Variants in TRIM65 observed in about 807,000 individuals in gnomAD.
TRIM65 encodes E3 ubiquitin-protein ligase TRIM65.
TRIM65 carries 46 observed loss-of-function variants against 36.1 expected under a neutral mutation model. That is an observed-to-expected ratio of 1.27 (90% confidence interval 1.01 to 1.63). The LOEUF (loss-of-function observed/expected upper bound fraction) is 1.63. Ranked by LOEUF, TRIM65 falls within the 40% of genes most tolerant of loss-of-function variation. The pLI is 0.00. For synonymous variants in TRIM65, 346 were observed against 313.6 expected (o/e 1.10, Z -1.09); for missense variants, 708 against 696.6 (o/e 1.02, Z -0.18).
At position 75,890,872 on chromosome 17, in the gene TRIM65, G is replaced by A. The variant is rs774169961; in HGVS notation, c.1461C>T (p.Pro487=). The change falls in exon 6 of 6, where the codon CCC becomes CCT. Residue 487 remains proline (P), a synonymous_variant. Transcript: ENST00000269383. The part of the protein sequence containing the change: ...FHALFNQPLT[P]VFWLLEGRTL... ...TCCTACCCTCGAGGAGCCAGAAGACGGGGGTGAGGGGCTGGTTGAAGAGGG... is the reference window on the plus strand; with the variant it reads ...TCCTACCCTCGAGGAGCCAGAAGACAGGGGTGAGGGGCTGGTTGAAGAGGG... 10 of 1,527,616 alleles carry A rather than the reference G, an allele frequency of 6.5e-6. No individual in the cohort carries two copies. The highest frequency in any genetic ancestry group is 4.8e-5 in the East Asian group (2 of 41,336). The allele number at this position is 1,527,616 out of a possible 1,614,324, so 94.6% of individuals were successfully genotyped here.
In TRIM65 at chr17:75,896,775, GA is replaced by G; in HGVS notation, c.162del (p.Asp56ThrfsTer86). On this transcript the variant is annotated frameshift_variant, in exon 1 of 6. Coordinates refer to ENST00000269383, the MANE Select transcript of TRIM65 (RefSeq NM_173547.4). LOFTEE classifies it high-confidence loss of function. Reference protein sequence around the residue: ...GKACPECREPFPDGAELRRNV... With the variant: ...GKACPECREPXPDGAELRRNV... ...TTGCGGCGCAGCTCGGCGCCGTCGG[GA>G]AAGGGCTCCCGGCACTCGGGGCACG... 6.7e-7 allele frequency: 1 copy of G among 1,497,512 alleles called. No homozygotes were observed. Among genetic ancestry groups the G allele is most frequent in the South Asian group, 1.2e-5 (1 of 80,140 alleles). The allele number at this position is 1,497,512 out of a possible 1,614,324, so 92.8% of individuals were successfully genotyped here. A position where few individuals can be genotyped will look rare whatever the true frequency, so the allele number is the denominator to read the frequency against.
chr17:75,892,318 G>A lies in TRIM65; in HGVS notation c.693C>T (p.Gly231=), dbSNP rs1599458983. ...GCTCCAGGAGCTCCCGGATCCTGCA[G>A]CCATGGCGAGCCACAGCCTCCAAAT... is the stretch of plus-strand genomic sequence containing the variant. ...RVHLEAVARH[G]CRIRELLEQV... The change falls in exon 3 of 6, where the codon GGC becomes GGT. Residue 231 remains glycine (G), a synonymous_variant. Coordinates refer to ENST00000269383, the MANE Select transcript of TRIM65 (RefSeq NM_173547.4). 1 of 1,612,506 alleles carries A rather than the reference G, an allele frequency of 6.2e-7. No homozygotes were observed. The highest frequency in any genetic ancestry group is 8.5e-7 in the Non-Finnish European group (1 of 1,179,892).
chr17:75,881,235 C>CAAAAAAAAAAAAAAAAAAAAAA (rs58718762), intron 4 of TRIM65, among the ~76,000 whole-genome samples: 1 of 110,264 alleles, frequency 9.1e-6, no homozygotes, highest in Admixed American at 1.1e-4. Context: ...GACTCCATCT[C>CAAAAAAAAAAAAAAAAAAAAAA]AAAAAAAAAA....
downstream of TRIM65, among the ~76,000 whole-genome samples, chr17:75,884,407 C>T (rs1173817383): frequency 2.0e-5 from 3 of 151,960 alleles, no homozygotes; most frequent in East Asian, 1.9e-4. Flanking sequence ...TGCAGTGAGC[C>T]GAGATCATGC....
intron 1 of TRIM65, among the ~76,000 whole-genome samples, chr17:75,894,207 C>T (rs1459288203): frequency 6.6e-6 from 1 of 152,172 alleles, no homozygotes; most frequent in East Asian, 1.9e-4. Context: ...TCCCATCCCT[C>T]CCTGCCCATC....
rs756690265 is a variant in TRIM65, at chr17:75,891,322, T to G, written c.1011A>C (p.Pro337=). The change falls in exon 6 of 6, where the codon CCA becomes CCC. Residue 337 remains proline, a synonymous_variant. Coordinates refer to ENST00000269383, the MANE Select transcript of TRIM65 (RefSeq NM_173547.4). Reference sequence around the variant, plus strand: ...GATAGAAGTGACGGTTGGCGCTGACTGGATCAAAGGTCAGATTGCGATAAT... The same window carrying G: ...GATAGAAGTGACGGTTGGCGCTGACGGGATCAAAGGTCAGATTGCGATAAT... ...WQNYRNLTFD[P]VSANRHFYLS... is the part of the protein sequence containing the mutation. 1 of 1,613,286 alleles carries G rather than the reference T, an allele frequency of 6.2e-7. No individual in the cohort carries two copies. Among genetic ancestry groups the G allele is most frequent in the Non-Finnish European group, 8.5e-7 (1 of 1,179,986 alleles).
intron 1 of TRIM65, among the ~76,000 whole-genome samples, chr17:75,895,778 G>C (rs1216107410): frequency 6.6e-6 from 1 of 152,190 alleles, no homozygotes; most frequent in East Asian, 1.9e-4. Context: ...GACTTCTTAA[G>C]TGGATTCTAA....
chr17:75,891,316 G>A lies in TRIM65; in HGVS notation c.1017C>T (p.Ser339=), dbSNP rs370375559. The A allele has an allele frequency of 8.1e-6, 13 of 1,613,176 alleles. No individual in the cohort carries two copies. The African/African-American group carries it at 1.2e-4, about 15-fold the overall frequency. The stretch of plus-strand genomic sequence containing the variant: ...GCGACAGATAGAAGTGACGGTTGGC[G>A]CTGACTGGATCAAAGGTCAGATTGC... ...NYRNLTFDPV[S]ANRHFYLSRQ... Residue 339 remains serine (S), a synonymous_variant, in exon 6 of 6, where the codon AGC becomes AGT. Transcript: ENST00000269383.
chr17:75,891,404 C>T (rs1469082662), intron 5 of TRIM65, 57 bp from the exon 6 acceptor site: 2 of 1,570,802 alleles, frequency 1.3e-6, no homozygotes, highest in African/African-American at 2.7e-5. Flanking sequence ...ACCAGATCTC[C>T]ATTTATCCGC....
chr17:75,890,554 T>C lies in TRIM65; in HGVS notation c.*225A>G, dbSNP rs369393103. On this transcript the variant is annotated 3_prime_UTR_variant, in exon 6 of 6. Coordinates refer to ENST00000269383, the MANE Select transcript of TRIM65 (RefSeq NM_173547.4). ...AGACAGTACCTAGAACTGGGTTCTC[T>C]CTGGGGCAAGGGCATCCCATTTATC... is the stretch of plus-strand genomic sequence containing the variant. The C allele has an allele frequency of 8.6e-6, 4 of 466,740 alleles. No homozygotes were observed. The highest frequency in any genetic ancestry group is 2.0e-5 in the African/African-American group (1 of 48,936). The allele number at this position is 466,740 out of a possible 1,614,324, so 28.9% of individuals were successfully genotyped here.
chr17:75,896,610 C>T lies in TRIM65; in HGVS notation c.328G>A (p.Gly110Ser). Residue 110 changes from glycine to serine, a missense_variant, in exon 1 of 6, where the codon GGC becomes AGC. Gly to Ser is a moderately conservative substitution (Grantham distance 56). Coordinates refer to ENST00000269383, the MANE Select transcript of TRIM65 (RefSeq NM_173547.4). Reference protein sequence around the residue: ...RPLELFCRTEGRCVCSVCTVR... With the variant: ...RPLELFCRTESRCVCSVCTVR... ...GTGCACACGCTGCACACACAGCGGC[C>T]CTCGGTCCGGCAGAAGAGCTCCAGC... 7.9e-7 allele frequency: 1 copy of T among 1,263,824 alleles called. No homozygotes were observed. Among genetic ancestry groups the T allele is most frequent in the South Asian group, 3.1e-5 (1 of 32,514 alleles). 78.3% of individuals were successfully genotyped at this position (1,263,824 alleles called of 1,614,324 possible).
At chr17:75,887,420 G>A (rs2065216160), downstream of TRIM65, among the ~76,000 whole-genome samples, 1 of 151,958 alleles carries the variant, frequency 6.6e-6, no homozygotes, top group African/African-American at 2.4e-5. Flanking sequence ...GAAGGCAGGG[G>A]TTGCACTGAG....
chr17:75,891,991 A>T lies in TRIM65; in HGVS notation c.919+20T>A. 6.4e-7 allele frequency: 1 copy of T among 1,550,622 alleles called. No homozygotes were observed. Among genetic ancestry groups the T allele is most frequent in the Non-Finnish European group, 8.7e-7 (1 of 1,145,864 alleles). On this transcript the variant is annotated intron_variant, in intron 4 of 5. Coordinates refer to ENST00000269383, the MANE Select transcript of TRIM65 (RefSeq NM_173547.4). ...CAGCTGGACCCAGGACAGCAGGGGGAGGCCTGGGGTCAGTCTTACCCACGG... is the reference window on the plus strand; with the variant it reads ...CAGCTGGACCCAGGACAGCAGGGGGTGGCCTGGGGTCAGTCTTACCCACGG...
At chr17:75,883,819 G>T (rs1248405857) in intron 4 of TRIM65, among the ~76,000 whole-genome samples, 1 of 151,966 alleles carries the variant, frequency 6.6e-6, no homozygotes, top group Non-Finnish European at 1.5e-5. Flanking sequence ...GAGCCACCGC[G>T]CCTGGCTTTT....
At chr17:75,895,056 C>T (rs979702979) in intron 1 of TRIM65, among the ~76,000 whole-genome samples, 1 of 152,194 alleles carries the variant, frequency 6.6e-6, no homozygotes, top group African/African-American at 2.4e-5. Context: ...ACTGTGACCT[C>T]TATATGTCCA....
intron 1 of TRIM65, 113 bp from the exon 2 acceptor site, chr17:75,892,963 A>ACCCC (rs1457588698): frequency 4.6e-6 from 4 of 878,518 alleles, no homozygotes; most frequent in Non-Finnish European, 7.0e-6. Context: ...TCCCCACGCC[A>ACCCC]CCCCAGGCCA....
chr17:75,887,581 A>C (rs1400443627), downstream of TRIM65, among the ~76,000 whole-genome samples: 1 of 146,432 alleles, frequency 6.8e-6, no homozygotes, highest in Non-Finnish European at 1.5e-5. Context: ...CAGGAGGCAG[A>C]GGTTGCAGTG....
In TRIM65 at chr17:75,890,800, G is replaced by C. The variant is rs757016006; in HGVS notation, c.1533C>G (p.Pro511=). The change falls in exon 6 of 6, where the codon CCC becomes CCG. Residue 511 remains proline (P), a synonymous_variant. Coordinates refer to ENST00000269383, the MANE Select transcript of TRIM65 (RefSeq NM_173547.4). ...HQPGAVFPLG[P]QEEVLS ...TTCTTCAGCTGAGCACCTCTTCCTG[G>C]GGCCCCAGAGGGAACACAGCCCCTG... 4.5e-5 allele frequency: 67 copies of C among 1,490,908 alleles called. No individual in the cohort carries two copies. The highest frequency in any genetic ancestry group is 5.5e-5 in the Non-Finnish European group (62 of 1,121,772). 92.4% of individuals were successfully genotyped at this position (1,490,908 alleles called of 1,614,324 possible).
At chr17:75,893,397 G>T (rs9893646) in intron 1 of TRIM65, among the ~76,000 whole-genome samples, 3,677 of 152,226 alleles carry the variant, frequency 0.024, 156 homozygotes, top group African/African-American at 0.08. Context: ...TTCTTCTGGG[G>T]ATCCGGCCAG....
Sources: allele counts gnomAD v4.1 joint callset (sites outside exome capture counted in the v4.1 genomes callset), GRCh38; gene constraint gnomAD v4.1.1; transcripts MANE v1.5; gene names NCBI Gene and HGNC (gene_info 2026-07-23, HGNC 2026-07-21).